LMLN: variants seen among roughly 807,000 people sequenced by gnomAD.
LMLN encodes leishmanolysin-like peptidase.
A neutral mutation model predicts 92.3 loss-of-function variants in LMLN; 70 were observed. That is an observed-to-expected ratio of 0.76 (90% CI 0.63 to 0.92). The LOEUF is 0.92. Ranked by LOEUF, LMLN falls within the 40% of genes least tolerant of loss-of-function variation. The probability of loss-of-function intolerance (pLI) is 0.00; values close to 1 mark genes in which losing one functional copy is unlikely to be tolerated. For synonymous variants in LMLN, 308 were observed against 296.2 expected (o/e 1.04, Z -0.41); for missense variants, 691 against 814.6 (o/e 0.85, Z 1.85).
At chr3:198,036,349 T>A (rs1425053004) in intron 15 of LMLN, among the ~76,000 whole-genome samples, 1 of 152,012 alleles carries the variant, frequency 6.6e-6, no homozygotes, top group Non-Finnish European at 1.5e-5. Flanking sequence ...AAATTAAGGG[T>A]AAACAAAATT....
intron 15 of LMLN, among the ~76,000 whole-genome samples, chr3:198,036,704 T>C (rs1723243720): frequency 6.6e-6 from 1 of 152,162 alleles, no homozygotes. Flanking sequence ...GCCTTCCCCA[T>C]GAAATTGACG....
At chr3:198,034,093 A>G (rs1219404464) in intron 14 of LMLN, among the ~76,000 whole-genome samples, 1 of 152,256 alleles carries the variant, frequency 6.6e-6, no homozygotes, top group Non-Finnish European at 1.5e-5. Flanking sequence ...TAACCAGGTT[A>G]GTCAACTACC....
In LMLN at chr3:197,964,450, G is replaced by A. The variant is rs531622470; in HGVS notation, c.219+4010G>A. ...GAGTCTTGCTCTGTTGCCCAGGCTG[G>A]AGTGCAGTGGCGCAATCTCAGCAGA... On this transcript the variant is annotated intron_variant, in intron 1 of 15. Transcript: ENST00000330198. Among the ~76,000 whole-genome samples the A allele has an allele frequency of 1.5e-4, 22 of 150,400 alleles. 1 individual carries two copies. The South Asian group carries it at 4.6e-3, about 32-fold the overall frequency.
At chr3:197,984,818 G>GGCAC (rs1221993711) in intron 7 of LMLN, among the ~76,000 whole-genome samples, 1 of 151,406 alleles carries the variant, frequency 6.6e-6, no homozygotes, top group Non-Finnish European at 1.5e-5. Flanking sequence ...TGGGACCACA[G>GGCAC]GCACGCACCA....
intron 9 of LMLN, among the ~76,000 whole-genome samples, chr3:197,992,455 A>G (rs1581151372): frequency 1.3e-5 from 2 of 152,238 alleles, no homozygotes; most frequent in South Asian, 2.1e-4. Flanking sequence ...AAGAGGAGAC[A>G]TTACAGCTGA....
chr3:198,028,221 C>A (rs1219361786), intron 14 of LMLN, among the ~76,000 whole-genome samples: 1 of 152,108 alleles, frequency 6.6e-6, no homozygotes, highest in East Asian at 1.9e-4. Flanking sequence ...ACATCATCAT[C>A]CGAAGTCCAT....
At chr3:197,977,825 T>G (rs999731447) in intron 5 of LMLN, among the ~76,000 whole-genome samples, 2 of 151,850 alleles carry the variant, frequency 1.3e-5, no homozygotes, top group African/African-American at 4.8e-5. Flanking sequence ...TCAAACAGTC[T>G]GGAAGTACAC....
intron 11 of LMLN, among the ~76,000 whole-genome samples, chr3:198,015,290 C>T (rs11922237): frequency 5.9e-3 from 359 of 60,896 alleles, no homozygotes; most frequent in African/African-American, 0.022. Context: ...CTTCAGAGCC[C>T]CCTAACTAGT....
intron 14 of LMLN, among the ~76,000 whole-genome samples, chr3:198,033,223 C>G (rs1157038635): frequency 2.6e-5 from 4 of 152,202 alleles, no homozygotes; most frequent in Non-Finnish European, 5.9e-5. Flanking sequence ...CCTGTAACAT[C>G]TGCCCGGCAG....
intron 1 of LMLN, among the ~76,000 whole-genome samples, chr3:197,966,012 T>C (rs1721048437): frequency 6.6e-6 from 1 of 152,172 alleles, no homozygotes; most frequent in African/African-American, 2.4e-5. Flanking sequence ...GCTTGTGCAT[T>C]TTAGGCATTA....
chr3:198,037,344 G>A (rs1172312712), intron 15 of LMLN, among the ~76,000 whole-genome samples: 3 of 152,194 alleles, frequency 2.0e-5, no homozygotes, highest in Non-Finnish European at 4.4e-5. Context: ...TACTCCAAGT[G>A]AGGCAGCTGA....
intron 1 of LMLN, among the ~76,000 whole-genome samples, chr3:197,971,418 A>G (rs1221028923): frequency 2.6e-5 from 4 of 152,236 alleles, no homozygotes; most frequent in Non-Finnish European, 5.9e-5. Context: ...AAACACCCCC[A>G]TGATCCAGTC....
intron 1 of LMLN, 98 bp downstream of exon 1, chr3:197,960,538 G>C (rs1199407356): frequency 8.5e-7 from 1 of 1,169,830 alleles, no homozygotes; most frequent in African/African-American, 1.8e-5. Context: ...TCCTGGATGA[G>C]AAAGCGAAAT....
intron 8 of LMLN, among the ~76,000 whole-genome samples, chr3:197,989,466 G>A (rs550488752): frequency 6.6e-6 from 1 of 152,228 alleles, no homozygotes; most frequent in South Asian, 2.1e-4. Context: ...TGGATAATCA[G>A]CACAGTTGTT....
At chr3:197,970,741 A>C (rs1037166257) in intron 1 of LMLN, among the ~76,000 whole-genome samples, 7 of 152,244 alleles carry the variant, frequency 4.6e-5, no homozygotes, top group African/African-American at 1.7e-4. Flanking sequence ...TCTAGATGCC[A>C]GCAAAAGGTC....
intron 11 of LMLN, among the ~76,000 whole-genome samples, chr3:198,015,586 C>T (rs1483262682): frequency 4.6e-5 from 6 of 131,788 alleles, no homozygotes; most frequent in African/African-American, 1.2e-4. Context: ...CTTCAGAGCC[C>T]CCTAACTAGT....
chr3:198,017,256 G>A (rs1419642657), intron 11 of LMLN, among the ~76,000 whole-genome samples: 1 of 152,218 alleles, frequency 6.6e-6, no homozygotes, highest in African/African-American at 2.4e-5. Flanking sequence ...TTACAGGATA[G>A]AAGCCATCTT....
intron 11 of LMLN, among the ~76,000 whole-genome samples, chr3:198,016,440 C>T (rs778036789): frequency 2.0e-5 from 3 of 152,154 alleles, no homozygotes; most frequent in Non-Finnish European, 4.4e-5. Flanking sequence ...TTATGAAAAT[C>T]GTCTACAGAA....
intron 1 of LMLN, among the ~76,000 whole-genome samples, chr3:197,969,707 A>G (rs1721169555): frequency 6.6e-6 from 1 of 152,216 alleles, no homozygotes; most frequent in Admixed American, 6.5e-5. Flanking sequence ...AGTGACTACA[A>G]TATATGTAGT....
Sources: allele counts gnomAD v4.1 joint callset (sites outside exome capture counted in the v4.1 genomes callset), GRCh38; gene constraint gnomAD v4.1.1; transcripts MANE v1.5; gene names NCBI Gene and HGNC (gene_info 2026-07-23, HGNC 2026-07-21).